The following CTTNBP2NL variants were observed in gnomAD, a reference collection of about 807,000 sequenced individuals.
CTTNBP2NL encodes CTTNBP2 N-terminal like.
A neutral mutation model predicts 32.5 loss-of-function variants in CTTNBP2NL; 16 were observed. The observed-to-expected ratio is 0.49, with a 90% CI of 0.33 to 0.75. The LOEUF (loss-of-function observed/expected upper bound fraction) is 0.75. CTTNBP2NL is among the 30% of genes least tolerant of loss of function. CTTNBP2NL has a pLI of 0.02. For missense variants in CTTNBP2NL, 645 were observed against 756.0 expected, an observed-to-expected ratio of 0.85 and a Z score of 1.72; for synonymous variants, 298 against 289.4, an observed-to-expected ratio of 1.03 and a Z score of -0.30.
intron 3 of CTTNBP2NL, among the ~76,000 whole-genome samples, chr1:112,420,034 G>A (rs924907125): frequency 1.3e-5 from 2 of 152,074 alleles, no homozygotes; most frequent in Non-Finnish European, 2.9e-5. Flanking sequence ...TTAGGTTACT[G>A]AGTTATAAGG....
chr1:112,438,474 A>G (rs978356623), intron 3 of CTTNBP2NL, among the ~76,000 whole-genome samples: 2 of 152,120 alleles, frequency 1.3e-5, no homozygotes, highest in African/African-American at 2.4e-5. Flanking sequence ...TGTATTCTAT[A>G]TTTCTATATC....
At chr1:112,452,335 C>CTTCTTTTTTTTT (rs1553227272) in intron 4 of CTTNBP2NL, among the ~76,000 whole-genome samples, 4 of 65,688 alleles carry the variant, frequency 6.1e-5, no homozygotes, top group African/African-American at 2.4e-4. Flanking sequence ...CCAGTCTCTT[C>CTTCTTTTTTTTT]TTTTTTTTTT....
At chr1:112,452,335 CTTTT>C (rs1157736195) in intron 4 of CTTNBP2NL, among the ~76,000 whole-genome samples, 9 of 65,718 alleles carry the variant, frequency 1.4e-4, no homozygotes, top group Middle Eastern at 9.4e-3. Flanking sequence ...CCAGTCTCTT[CTTTT>C]TTTTTTTTTT....
chr1:112,425,698 T>TA (rs748253762), intron 3 of CTTNBP2NL, among the ~76,000 whole-genome samples: 369 of 137,342 alleles, frequency 2.7e-3, no homozygotes, highest in Middle Eastern at 7.4e-3. Context: ...ACCCCTTGTC[T>TA]AAAAAAAAAA....
chr1:112,391,459 G>A (rs1346447302), upstream of CTTNBP2NL, among the ~76,000 whole-genome samples: 1 of 152,200 alleles, frequency 6.6e-6, no homozygotes, highest in South Asian at 2.1e-4. Context: ...TGGAGTCCCA[G>A]ATGTTTAGTT....
intron 4 of CTTNBP2NL, 38 bp downstream of exon 4, chr1:112,449,210 G>A (rs373204413): frequency 1.6e-6 from 2 of 1,244,430 alleles, no homozygotes; most frequent in Middle Eastern, 2.0e-4. Flanking sequence ...TCTTTGTGAA[G>A]TCTTTATAAA....
chr1:112,422,749 T>C (rs1649268534), intron 3 of CTTNBP2NL, among the ~76,000 whole-genome samples: 1 of 152,170 alleles, frequency 6.6e-6, no homozygotes, highest in Non-Finnish European at 1.5e-5. Context: ...TTTCATGTGC[T>C]TATTTGCTAA....
upstream of CTTNBP2NL, among the ~76,000 whole-genome samples, chr1:112,393,431 A>G (rs1348426745): frequency 1.3e-5 from 2 of 152,192 alleles, no homozygotes. Flanking sequence ...GGCATTTAAT[A>G]AATATTTTAC....
chr1:112,408,726 C>G (rs1222321476), intron 1 of CTTNBP2NL, among the ~76,000 whole-genome samples: 1 of 152,072 alleles, frequency 6.6e-6, no homozygotes, highest in Non-Finnish European at 1.5e-5. Flanking sequence ...AGTACATGAT[C>G]TAGTGGCAAA....
upstream of CTTNBP2NL, among the ~76,000 whole-genome samples, chr1:112,393,246 T>C (rs150896431): frequency 9.8e-3 from 1,497 of 152,324 alleles, 36 homozygotes; most frequent in African/African-American, 0.034. Context: ...ACTACTATAG[T>C]TGATGACAGA....
In CTTNBP2NL at chr1:112,451,148, G is replaced by A. The variant is rs117519556; in HGVS notation, c.330+1976G>A. Among the ~76,000 whole-genome samples the A allele has an allele frequency of 7.1e-4, 108 of 151,612 alleles. 2 individuals carry two copies. In the East Asian group the frequency reaches 0.012, roughly 16 times the overall value. On this transcript the variant is annotated intron_variant, in intron 4 of 5. Transcript: ENST00000271277. The stretch of plus-strand genomic sequence containing the variant: ...TTTTTTCTTTTAGCCATTCACTTTG[G>A]TAGCTAACCTCCATATTTCTAAATA...
chr1:112,415,346 T>C (rs188253394), intron 2 of CTTNBP2NL, among the ~76,000 whole-genome samples: 8 of 152,272 alleles, frequency 5.3e-5, no homozygotes, highest in Non-Finnish European at 1.2e-4. Flanking sequence ...AAGAAAAATT[T>C]CTCCCATACT....
At chr1:112,402,082 T>G (rs762035203) in intron 1 of CTTNBP2NL, among the ~76,000 whole-genome samples, 13 of 152,166 alleles carry the variant, frequency 8.5e-5, no homozygotes, top group Non-Finnish European at 1.8e-4. Context: ...TGGGAAAGGC[T>G]AGGCTGAAGC....
At chr1:112,438,143 C>T (rs1649790066) in intron 3 of CTTNBP2NL, among the ~76,000 whole-genome samples, 1 of 152,072 alleles carries the variant, frequency 6.6e-6, no homozygotes, top group African/African-American at 2.4e-5. Flanking sequence ...GGTGTAAGGA[C>T]ATTTTAATGA....
Position 112,456,944 on chromosome 1 carries a change from C to T in CTTNBP2NL, c.1452C>T (p.Ser484=). ...QQASGLQSPP[S]RDLSPTLIDN... is the part of the protein sequence containing the mutation. ...CCAGTGGCCTACAGAGCCCTCCATC[C>T]AGGGATTTATCCCCCACCCTCATAG... The change falls in exon 6 of 6, where the codon TCC becomes TCT. Residue 484 remains serine, a synonymous_variant. Coordinates refer to ENST00000271277, the MANE Select transcript of CTTNBP2NL (RefSeq NM_018704.3). 1 of 1,614,124 alleles carries T rather than the reference C, an allele frequency of 6.2e-7. No individual in the cohort carries two copies. The highest frequency in any genetic ancestry group is 8.5e-7 in the Non-Finnish European group (1 of 1,180,022).
In CTTNBP2NL at chr1:112,456,570, A is replaced by G. The variant is rs1163667206; in HGVS notation, c.1078A>G (p.Arg360Gly). Reference sequence around the variant, plus strand: ...TTGTGACCCAGAGATACAAACTACCAGGGAGCTGACTGCAGGCAACAATGT... The same window carrying G: ...TTGTGACCCAGAGATACAAACTACCGGGGAGCTGACTGCAGGCAACAATGT... ...GHCDPEIQTT[R>G]ELTAGNNVEN... Residue 360 changes from arginine to glycine, a missense_variant, in exon 6 of 6, where the codon AGG becomes GGG. Physicochemically the swap from Arg to Gly is moderately radical, Grantham distance 125. Transcript: ENST00000271277. The G allele has an allele frequency of 1.9e-6, 3 of 1,614,188 alleles. No individual in the cohort carries two copies. Among genetic ancestry groups the G allele is most frequent in the South Asian group, 2.2e-5 (2 of 91,084 alleles).
chr1:112,399,317 T>TGAA (rs1648425958), intron 1 of CTTNBP2NL, among the ~76,000 whole-genome samples: 1 of 39,648 alleles, frequency 2.5e-5, no homozygotes, highest in Non-Finnish European at 4.1e-5. Flanking sequence ...AGACTCTGTC[T>TGAA]CAAAAAAAAA....
At chr1:112,401,693 G>A (rs1424164925) in intron 1 of CTTNBP2NL, among the ~76,000 whole-genome samples, 2 of 152,102 alleles carry the variant, frequency 1.3e-5, no homozygotes, top group Admixed American at 6.5e-5. Flanking sequence ...GTAGAGGTGG[G>A]GGAACATGAA....
intron 3 of CTTNBP2NL, among the ~76,000 whole-genome samples, chr1:112,443,904 A>G (rs1162196945): frequency 6.6e-6 from 1 of 152,194 alleles, no homozygotes; most frequent in Non-Finnish European, 1.5e-5. Context: ...CTTATAGTTT[A>G]TCTATAGTGT....
Sources: allele counts gnomAD v4.1 joint callset (sites outside exome capture counted in the v4.1 genomes callset), GRCh38; gene constraint gnomAD v4.1.1; transcripts MANE v1.5; gene names NCBI Gene and HGNC (gene_info 2026-07-23, HGNC 2026-07-21).